The following EXPH5 variants were observed in gnomAD, a reference collection of about 807,000 sequenced individuals.
The protein encoded by EXPH5 is exophilin 5.
In EXPH5, 42 loss-of-function variants were observed where a neutral mutation model predicts 41.1. The observed-to-expected ratio is 1.02, with a 90% CI of 0.80 to 1.32. The LOEUF is 1.32. Among genes scored for constraint, EXPH5 ranks in the 40% most tolerant of loss-of-function variants. The pLI, the probability that EXPH5 is intolerant of heterozygous loss-of-function variation, is 0.00. For missense variants in EXPH5, 2,298 were observed against 2,314.5 expected (o/e 0.99, Z 0.15); for synonymous variants, 798 against 833.5 (o/e 0.96, Z 0.73).
upstream of EXPH5, chr11:108,593,772 G>C (rs1284209241): frequency 5.9e-6 from 9 of 1,535,152 alleles, no homozygotes; most frequent in South Asian, 9.5e-5. Flanking sequence ...CAAAGTGAAC[G>C]GCTAAAGGGA....
At chr11:108,563,411 C>T (rs996330570) in intron 1 of EXPH5, among the ~76,000 whole-genome samples, 1 of 152,170 alleles carries the variant, frequency 6.6e-6, no homozygotes, top group Non-Finnish European at 1.5e-5. Flanking sequence ...TTAGTTCATG[C>T]CTGCTAGAGT....
At chr11:108,562,361 G>A (rs542805294) in intron 1 of EXPH5, among the ~76,000 whole-genome samples, 103 of 150,764 alleles carry the variant, frequency 6.8e-4, no homozygotes, top group Non-Finnish European at 2.9e-4. Context: ...GGGAGGTCGA[G>A]GTGGTGGATC....
At chr11:108,548,441 G>A (rs1236623315) in intron 1 of EXPH5, among the ~76,000 whole-genome samples, 1 of 152,102 alleles carries the variant, frequency 6.6e-6, no homozygotes, top group African/African-American at 2.4e-5. Flanking sequence ...CATGAAGGGG[G>A]CAAGATTTTG....
chr11:108,526,791 CTTT>C lies in EXPH5; in HGVS notation c.492+1342_492+1344del, dbSNP rs142013274. Among the ~76,000 whole-genome samples, 793 of 152,318 alleles carry C rather than the reference CTTT, an allele frequency of 5.2e-3. 2 individuals carry two copies. Among genetic ancestry groups the C allele is most frequent in the African/African-American group, 0.018 (753 of 41,568 alleles). On this transcript the variant is annotated intron_variant, in intron 4 of 5. Coordinates refer to ENST00000265843, the MANE Select transcript of EXPH5 (RefSeq NM_015065.3). ...TTACCAGGGTGACCTTGAGCATGAT[CTTT>C]AACTCGTTAAACCTCACTTTCTTCA...
rs779432591 is a variant in EXPH5 at position 108,510,266 on chromosome 11, G to C, written c.5241C>G (p.Asp1747Glu). ...FTSLREAEFS[D>E]NQRRLSPPFP... ...AAGGAGGGCTCAGCCTCCTCTGATT[G>C]TCAGAGAATTCTGCTTCCCTGAGGC... Residue 1747 changes from aspartate to glutamate, a missense_variant, in exon 6 of 6, where the codon GAC becomes GAG. By Grantham distance (45) the Asp-to-Glu change is conservative. Coordinates refer to ENST00000265843, the MANE Select transcript of EXPH5 (RefSeq NM_015065.3). The C allele has an allele frequency of 6.2e-7, 1 of 1,613,938 alleles. No individual in the cohort carries two copies. The highest frequency in any genetic ancestry group is 8.5e-7 in the Non-Finnish European group (1 of 1,179,986).
intron 1 of EXPH5, among the ~76,000 whole-genome samples, chr11:108,543,513 G>T (rs2093923323): frequency 6.6e-6 from 1 of 152,204 alleles, no homozygotes; most frequent in Admixed American, 6.5e-5. Flanking sequence ...AACCTTGGGA[G>T]ATTCTGCAGC....
At chr11:108,581,749 T>A (rs1470782643) in intron 1 of EXPH5, among the ~76,000 whole-genome samples, 2 of 151,990 alleles carry the variant, frequency 1.3e-5, no homozygotes, top group African/African-American at 4.8e-5. Flanking sequence ...TGATAAACCT[T>A]TAACACGACT....
At chr11:108,546,347 G>A (rs1469105331) in intron 1 of EXPH5, among the ~76,000 whole-genome samples, 1 of 152,134 alleles carries the variant, frequency 6.6e-6, no homozygotes, top group Non-Finnish European at 1.5e-5. Flanking sequence ...TGCGGGGCAG[G>A]AGACCAGTCA....
At chr11:108,583,384 A>T (rs2449255) in intron 1 of EXPH5, among the ~76,000 whole-genome samples, 58 of 150,364 alleles carry the variant, frequency 3.9e-4, no homozygotes, top group African/African-American at 1.4e-3. Flanking sequence ...AAAAAAAAAT[A>T]AAAAAAAAAA....
At position 108,514,775 on chromosome 11, in the gene EXPH5, G is replaced by A; in HGVS notation, c.732C>T (p.His244=). ...CATGTCTGTTACCACTGGAATAAAA[G>A]TGACCGAACTGTGTTCTTGATCCAT... ...LNYGSRTQFG[H]FYSSGNRHGN... is the part of the protein sequence containing the mutation. The change falls in exon 6 of 6, where the codon CAC becomes CAT. Residue 244 remains histidine, a synonymous_variant. Coordinates refer to ENST00000265843, the MANE Select transcript of EXPH5 (RefSeq NM_015065.3). 1 of 1,610,336 alleles carries A rather than the reference G, an allele frequency of 6.2e-7. No individual in the cohort carries two copies. Among genetic ancestry groups the A allele is most frequent in the Non-Finnish European group, 8.5e-7 (1 of 1,178,908 alleles).
At chr11:108,599,035 GGAGAGA>G in the EXPH5 span, among the ~76,000 whole-genome samples, 2 of 126,142 alleles carry the variant, frequency 1.6e-5, no homozygotes, top group African/African-American at 6.0e-5. Context: ...AAAAAGAGAC[GGAGAGA>G]GAGAGAGAGA....
intron 1 of EXPH5, among the ~76,000 whole-genome samples, chr11:108,563,295 T>A (rs559098358): frequency 2.0e-5 from 3 of 152,202 alleles, no homozygotes; most frequent in Non-Finnish European, 2.9e-5. Context: ...ATAGCTCAGC[T>A]GTCAATCAGC....
rs750491356 is a variant in EXPH5 at position 108,513,195 on chromosome 11, C to G, written c.2312G>C (p.Arg771Thr). Reference protein sequence around the residue: ...STIISSKKSPRVFSRKDTSKM... With the variant: ...STIISSKKSPTVFSRKDTSKM... ...GGAGGTATCTTTCCTGGAAAAGACT[C>G]TGGGTGACTTTTTTGAACTTATTAT... The change falls in exon 6 of 6, where the codon AGA becomes ACA. Residue 771 changes from arginine (R) to threonine (T), a missense_variant. Arg to Thr is a moderately conservative substitution (Grantham distance 71). Transcript: ENST00000265843. 2.8e-5 allele frequency: 45 copies of G among 1,613,952 alleles called. No homozygotes were observed. The East Asian group carries it at 1.0e-3, about 36-fold the overall frequency.
chr11:108,569,371 T>G (rs1477960375), intron 1 of EXPH5, among the ~76,000 whole-genome samples: 1 of 152,152 alleles, frequency 6.6e-6, no homozygotes, highest in Non-Finnish European at 1.5e-5. Context: ...ACAGAGCCTC[T>G]CTCTGTCACG....
At position 108,511,470 on chromosome 11, in the gene EXPH5, T is replaced by G. The variant is rs765692103; in HGVS notation, c.4037A>C (p.Glu1346Ala). 6.3e-7 allele frequency: 1 copy of G among 1,580,296 alleles called. No individual in the cohort carries two copies. Among genetic ancestry groups the G allele is most frequent in the Admixed American group, 2.0e-5 (1 of 51,188 alleles). The change falls in exon 6 of 6, where the codon GAA becomes GCA. Residue 1346 changes from glutamate to alanine, a missense_variant. Coordinates refer to ENST00000265843, the MANE Select transcript of EXPH5 (RefSeq NM_015065.3). ...AACAGCTGCCTCAACAGAAGCCATT[T>G]CCTGTAATGTAGGAGCTAGGGGCCC... is the stretch of plus-strand genomic sequence containing the variant. ...NRGPLAPTLQ[E>A]MASVEAAVSL...
chr11:108,555,563 G>C (rs888079686), intron 1 of EXPH5, among the ~76,000 whole-genome samples: 2 of 152,164 alleles, frequency 1.3e-5, no homozygotes, highest in African/African-American at 2.4e-5. Context: ...GTCTGCAGGA[G>C]CCCTGACATG....
chr11:108,511,763 C>T lies in EXPH5; in HGVS notation c.3744G>A (p.Glu1248=), dbSNP rs765981837. The T allele has an allele frequency of 6.2e-7, 1 of 1,611,556 alleles. No individual in the cohort carries two copies. Among genetic ancestry groups the T allele is most frequent in the Non-Finnish European group, 8.5e-7 (1 of 1,179,446 alleles). ...SGDEDNVKCL[E]VVSIYYTLPR... ...GTAGAGTGTAATATATTGAGACCACCTCCAGACATTTTACATTATCTTCAT... is the reference window on the plus strand; with the variant it reads ...GTAGAGTGTAATATATTGAGACCACTTCCAGACATTTTACATTATCTTCAT... Residue 1248 remains glutamate, a synonymous_variant, in exon 6 of 6, where the codon GAG becomes GAA. Transcript: ENST00000265843.
In EXPH5 at chr11:108,511,878, G is replaced by A. The variant is rs749453668; in HGVS notation, c.3629C>T (p.Pro1210Leu). 1.3e-6 allele frequency: 2 copies of A among 1,589,006 alleles called. No individual in the cohort carries two copies. The highest frequency in any genetic ancestry group is 1.7e-6 in the Non-Finnish European group (2 of 1,172,278). ...TGACAAGTCTGAGCAAAAAGGTAAA[G>A]GGTCTTCATTTGAAAGAGCAAATAC... ...RSVFALSNED[P>L]LPFCSDLSGK... The change falls in exon 6 of 6, where the codon CCT (proline) becomes CTT (leucine). Residue 1210 changes from proline to leucine, a missense_variant. Physicochemically the swap from Pro to Leu is moderately conservative, Grantham distance 98. Coordinates refer to ENST00000265843, the MANE Select transcript of EXPH5 (RefSeq NM_015065.3).
chr11:108,583,673 A>C (rs1212593665), intron 1 of EXPH5, among the ~76,000 whole-genome samples: 1 of 149,710 alleles, frequency 6.7e-6, no homozygotes, highest in Non-Finnish European at 1.5e-5. Context: ...AAAAATTAAC[A>C]AAAAAATAAA....
Sources: allele counts gnomAD v4.1 joint callset (sites outside exome capture counted in the v4.1 genomes callset), GRCh38; gene constraint gnomAD v4.1.1; transcripts MANE v1.5; gene names NCBI Gene and HGNC (gene_info 2026-07-23, HGNC 2026-07-21).